STARD6: variants seen among roughly 807,000 people sequenced by gnomAD.
STARD6 encodes stAR-related lipid transfer protein 6.
A neutral mutation model predicts 22.3 loss-of-function variants in STARD6; 21 were observed. The ratio of observed to expected loss-of-function variants is 0.94; its 90% CI spans 0.67 to 1.35. The LOEUF (loss-of-function observed/expected upper bound fraction) is 1.35. Among genes scored for constraint, STARD6 ranks in the 40% most tolerant of loss-of-function variants. The pLI is 0.00. For missense variants in STARD6, 269 were observed against 266.9 expected, an observed-to-expected ratio of 1.01 and a Z score of -0.05; for synonymous variants, 80 against 88.1, an observed-to-expected ratio of 0.91 and a Z score of 0.52.
rs191887491 is a variant in STARD6, at chr18:54,329,348, C to T, written c.478G>A (p.Glu160Lys). ...PCGFVCSPMEENPAYSKLVMF... is the reference protein window; with the variant it reads ...PCGFVCSPMEKNPAYSKLVMF... ...TAAATAAGTGCAAACAACACTTACT[C>T]TTCCATTGGTGAACATACAAAGCCA... The change falls in exon 7 of 8, where the codon GAA (glutamate) becomes AAA (lysine). Residue 160 changes from glutamate (E) to lysine (K), a missense_variant and splice_region_variant. Physicochemically the swap from Glu to Lys is moderately conservative, Grantham distance 56. Coordinates refer to ENST00000307844, the MANE Select transcript of STARD6 (RefSeq NM_139171.2). 3.2e-6 allele frequency: 5 copies of T among 1,583,128 alleles called. No individual in the cohort carries two copies. In the East Asian group the frequency reaches 1.2e-4, roughly 37 times the overall value.
Position 54,354,093 on chromosome 18 carries a change from G to T in STARD6, c.101C>A (p.Thr34Asn). ...TTTTCTAGAAGCCTTACTGGAAACAGTTATCTTTTTCTCAAAGGGGAATAA... is the reference window on the plus strand; with the variant it reads ...TTTTCTAGAAGCCTTACTGGAAACATTTATCTTTTTCTCAAAGGGGAATAA... Reference protein sequence around the residue: ...WKVVKTSKKITVSSKASRKFH... With the variant: ...WKVVKTSKKINVSSKASRKFH... Residue 34 changes from threonine (T) to asparagine (N), a missense_variant, in exon 4 of 8, where the codon ACT becomes AAT. By Grantham distance (65) the Thr-to-Asn change is moderately conservative. Coordinates refer to ENST00000307844, the MANE Select transcript of STARD6 (RefSeq NM_139171.2). 1.3e-6 allele frequency: 2 copies of T among 1,560,668 alleles called. No homozygotes were observed.
intron 7 of STARD6, among the ~76,000 whole-genome samples, chr18:54,326,998 G>T (rs2088830227): frequency 1.3e-5 from 2 of 152,106 alleles, no homozygotes; most frequent in African/African-American, 4.8e-5. Flanking sequence ...ACTGAGCTTT[G>T]CTATTACCTA....
chr18:54,347,719 TC>T (rs2089050297), intron 4 of STARD6, among the ~76,000 whole-genome samples: 1 of 151,948 alleles, frequency 6.6e-6, no homozygotes, highest in East Asian at 1.9e-4. Flanking sequence ...TTTTCATTGT[TC>T]CTCCAAATAT....
chr18:54,329,555 GT>G, intron 6 of STARD6, 115 bp from the exon 7 acceptor site: 2 of 775,524 alleles, frequency 2.6e-6, no homozygotes, highest in Non-Finnish European at 3.9e-6. Flanking sequence ...ATTAACATTA[GT>G]TTTATATATG....
intron 4 of STARD6, among the ~76,000 whole-genome samples, chr18:54,341,889 A>G (rs2088972558): frequency 6.6e-6 from 1 of 152,182 alleles, no homozygotes; most frequent in African/African-American, 2.4e-5. Flanking sequence ...ACTAAACCCA[A>G]AGCTAGCAGA....
intron 4 of STARD6, among the ~76,000 whole-genome samples, chr18:54,351,907 T>TTTG (rs2089100763): frequency 6.7e-6 from 1 of 149,284 alleles, no homozygotes; most frequent in African/African-American, 2.5e-5. Flanking sequence ...CCGTTTTTTT[T>TTTG]TTTTTTTTTT....
intron 4 of STARD6, among the ~76,000 whole-genome samples, chr18:54,350,976 G>A (rs1353298476): frequency 6.6e-6 from 1 of 152,192 alleles, no homozygotes; most frequent in East Asian, 1.9e-4. Flanking sequence ...CTGTTTTTTG[G>A]TTCCATACGA....
chr18:54,329,478 C>T (rs771286867), intron 6 of STARD6, 38 bp from the exon 7 acceptor site: 4 of 1,488,752 alleles, frequency 2.7e-6, no homozygotes, highest in East Asian at 4.6e-5. Flanking sequence ...AACCTATTCA[C>T]AAAGAGGAAA....
intron 4 of STARD6, among the ~76,000 whole-genome samples, chr18:54,343,681 G>A (rs1479586105): frequency 5.2e-4 from 15 of 28,698 alleles, no homozygotes; most frequent in Non-Finnish European, 8.2e-4. Flanking sequence ...TGGGGGGGTC[G>A]GCCCCCCGCC....
At chr18:54,325,476 A>G (rs917376177) in intron 7 of STARD6, among the ~76,000 whole-genome samples, 6 of 151,952 alleles carry the variant, frequency 3.9e-5, no homozygotes, top group South Asian at 2.1e-4. Context: ...TTTATTGACT[A>G]TCATTTAGGT....
chr18:54,329,245 T>G, intron 7 of STARD6, 102 bp downstream of exon 7: 2 of 872,394 alleles, frequency 2.3e-6, no homozygotes, highest in South Asian at 2.1e-5. Flanking sequence ...CGCAACAGAA[T>G]ATGCTGCTAC....
chr18:54,342,606 C>T (rs1377142023), intron 4 of STARD6, among the ~76,000 whole-genome samples: 1 of 120,000 alleles, frequency 8.3e-6, no homozygotes, highest in Admixed American at 7.8e-5. Context: ...CGAGTGCCTG[C>T]GATTGCAGGC....
chr18:54,326,960 C>A (rs1264226180), intron 7 of STARD6, among the ~76,000 whole-genome samples: 1 of 152,118 alleles, frequency 6.6e-6, no homozygotes, highest in Non-Finnish European at 1.5e-5. Context: ...AAAGCGTGGA[C>A]TCAGGAACTA....
chr18:54,346,168 GT>G (rs1191218025), intron 4 of STARD6, among the ~76,000 whole-genome samples: 2 of 152,100 alleles, frequency 1.3e-5, no homozygotes, highest in Non-Finnish European at 1.5e-5. Flanking sequence ...AATCATATAT[GT>G]GATACTAAAC....
chr18:54,348,960 C>T (rs2089065931), intron 4 of STARD6, among the ~76,000 whole-genome samples: 1 of 151,970 alleles, frequency 6.6e-6, no homozygotes, highest in African/African-American at 2.4e-5. Flanking sequence ...TATAATATAA[C>T]TGAAGTCCAT....
chr18:54,343,252 C>T (rs2088994199), intron 4 of STARD6, among the ~76,000 whole-genome samples: 1 of 68,448 alleles, frequency 1.5e-5, no homozygotes, highest in Admixed American at 1.2e-4. Flanking sequence ...AAGTGAGGAG[C>T]CCCTCCGCCC....
intron 2 of STARD6, among the ~76,000 whole-genome samples, chr18:54,355,059 ATTAT>A (rs1181275242): frequency 2.0e-5 from 3 of 152,126 alleles, no homozygotes; most frequent in East Asian, 1.9e-4. Flanking sequence ...GTTCTTGAGG[ATTAT>A]TTAAAGTGCG....
At chr18:54,328,469 A>T (rs1380817244) in intron 7 of STARD6, among the ~76,000 whole-genome samples, 1 of 152,188 alleles carries the variant, frequency 6.6e-6, no homozygotes, top group African/African-American at 2.4e-5. Context: ...CATAGATTCA[A>T]AATTGACAAA....
chr18:54,336,595 T>C (rs963284057), intron 5 of STARD6, among the ~76,000 whole-genome samples: 1 of 152,224 alleles, frequency 6.6e-6, no homozygotes, highest in African/African-American at 2.4e-5. Context: ...TTTAAGTCCT[T>C]ATGGTATATG....
Sources: gnomAD v4.1 joint callset for allele counts (sites outside exome capture counted in the v4.1 genomes callset) on GRCh38, gnomAD v4.1.1 for gene constraint, MANE v1.5 for transcripts, NCBI Gene and HGNC (gene_info 2026-07-23, HGNC 2026-07-21) for gene names.